Variants in IFT140 observed in about 807,000 individuals in gnomAD.
IFT140 encodes intraflagellar transport protein 140 homolog.
Under a neutral mutation model 164.6 loss-of-function variants are expected in IFT140, and 133 were observed. That is an observed-to-expected ratio of 0.81 (90% CI 0.70 to 0.93). The LOEUF is 0.93. Among genes scored for constraint, IFT140 ranks in the 40% least tolerant of loss-of-function variants. IFT140 has a pLI of 0.00. For missense variants in IFT140, 2,045 were observed against 1,972.3 expected (o/e 1.04, Z -0.70); for synonymous variants, 860 against 817.3 (o/e 1.05, Z -0.89).
rs760652531 is a variant in IFT140 at position 1,523,670 on chromosome 16, C to T, written c.3301G>A (p.Ala1101Thr). Residue 1101 changes from alanine (A) to threonine (T), a missense_variant, in exon 26 of 31, where the codon GCC (alanine) becomes ACC (threonine). Physicochemically the swap from Ala to Thr is moderately conservative, Grantham distance 58. Coordinates refer to ENST00000426508, the MANE Select transcript of IFT140 (RefSeq NM_014714.4). ...GCCACAAACTGCTGGGTGGCAAAGG[C>T]CAGCTCCAGGGCCTTGGAGAAGTGG... Reference protein sequence around the residue: ...AGHFSKALELAFATQQFVALQ... With the variant: ...AGHFSKALELTFATQQFVALQ... 6 of 1,613,730 alleles carry T rather than the reference C, an allele frequency of 3.7e-6. No homozygotes were observed. The highest frequency in any genetic ancestry group is 5.1e-6 in the Non-Finnish European group (6 of 1,180,002).
chr16:1,606,984 G>T, intron 3 of IFT140, 136 bp downstream of exon 3: 1 of 830,946 alleles, frequency 1.2e-6, no homozygotes, highest in Non-Finnish European at 2.0e-6. Context: ...ACACATACAC[G>T]CACACACAGA....
At chr16:1,563,169 G>A (rs1338170738) in intron 17 of IFT140, among the ~76,000 whole-genome samples, 3 of 152,028 alleles carry the variant, frequency 2.0e-5, no homozygotes, top group Admixed American at 6.5e-5. Flanking sequence ...GTGGCGCCTC[G>A]GGCAGTGTCT....
chr16:1,601,682 G>T (rs1567427231), intron 4 of IFT140, among the ~76,000 whole-genome samples: 1 of 152,198 alleles, frequency 6.6e-6, no homozygotes, highest in African/African-American at 2.4e-5. Context: ...GTGAGAGAAA[G>T]AATGCACTTG....
At position 1,568,224 on chromosome 16, in the gene IFT140, G is replaced by A; in HGVS notation, c.1763C>T (p.Pro588Leu). ...SSSGSTISIL[P>L]SKADNSPDSK... ...GACGAGGGGTGGCCTCACCTTGCTGGGGAGGATGCTGATGGTGCTCCCGCT... is the reference window on the plus strand; with the variant it reads ...GACGAGGGGTGGCCTCACCTTGCTGAGGAGGATGCTGATGGTGCTCCCGCT... The change falls in exon 15 of 31, where the codon CCC (proline) becomes CTC (leucine). Residue 588 changes from proline (P) to leucine (L), a missense_variant. Pro to Leu is a moderately conservative substitution (Grantham distance 98). Coordinates refer to ENST00000426508, the MANE Select transcript of IFT140 (RefSeq NM_014714.4). 1 of 1,600,084 alleles carries A rather than the reference G, an allele frequency of 6.2e-7. No individual in the cohort carries two copies. Among genetic ancestry groups the A allele is most frequent in the Non-Finnish European group, 8.5e-7 (1 of 1,173,920 alleles).
At chr16:1,607,528 C>T (rs1180081311) in intron 2 of IFT140, among the ~76,000 whole-genome samples, 4 of 152,084 alleles carry the variant, frequency 2.6e-5, no homozygotes, top group East Asian at 1.9e-4. Flanking sequence ...GTGACAGAAA[C>T]GAATACAACT....
intron 13 of IFT140, among the ~76,000 whole-genome samples, chr16:1,576,518 GGAGGCGGAGCTTGCAGT>G (rs752566108): frequency 7.3e-5 from 11 of 151,458 alleles, no homozygotes; most frequent in Non-Finnish European, 1.2e-4. Flanking sequence ...CGTGAACCCA[GGAGGCGGAGCTTGCAGT>G]GAGCCGAGAT....
chr16:1,581,502 A>C (rs2034555381), intron 12 of IFT140, among the ~76,000 whole-genome samples: 1 of 151,584 alleles, frequency 6.6e-6, no homozygotes, highest in South Asian at 2.1e-4. Flanking sequence ...TGGGAGGCTG[A>C]GGCATGAGAA....
intron 4 of IFT140, among the ~76,000 whole-genome samples, chr16:1,600,899 A>C (rs1222209499): frequency 2.0e-5 from 3 of 152,130 alleles, no homozygotes; most frequent in Non-Finnish European, 4.4e-5. Context: ...AGACCAAAAA[A>C]AAAAAAGGGA....
chr16:1,541,600 G>A (rs183293680), intron 19 of IFT140: 1 of 622,232 alleles, frequency 1.6e-6, no homozygotes, highest in East Asian at 1.4e-4. Flanking sequence ...CGCCTTCAAG[G>A]GTCAAGTCAG....
rs539927870 is a variant in IFT140, at chr16:1,564,319, G to A, written c.1902-157C>T. Among the ~76,000 whole-genome samples, 13 of 152,278 alleles carry A rather than the reference G, an allele frequency of 8.5e-5. No homozygotes were observed. Among genetic ancestry groups the A allele is most frequent in the South Asian group, 6.2e-4 (3 of 4,826 alleles). On this transcript the variant is annotated intron_variant, in intron 16 of 30. Transcript: ENST00000426508. The surrounding 1 kb of genome is among the most constrained non-coding windows in gnomAD (Gnocchi z 5.5). ...AACTTTTGGGGTCTCACTGCCATGCGCCCTACTGGAACATGTTCTCAGATT... is the reference window on the plus strand; with the variant it reads ...AACTTTTGGGGTCTCACTGCCATGCACCCTACTGGAACATGTTCTCAGATT...
At chr16:1,543,672 G>A (rs1027776125) in intron 19 of IFT140, among the ~76,000 whole-genome samples, 1 of 152,202 alleles carries the variant, frequency 6.6e-6, no homozygotes, top group African/African-American at 2.4e-5. Context: ...CAGGGATGTG[G>A]GACCTAGGAC....
intron 18 of IFT140, among the ~76,000 whole-genome samples, chr16:1,560,724 G>T (rs777616353): frequency 2.0e-5 from 3 of 152,200 alleles, no homozygotes; most frequent in Non-Finnish European, 4.4e-5. Flanking sequence ...CCCACCTTGG[G>T]TTATAAAAGT....
At chr16:1,597,681 A>G (rs1410668129) in intron 4 of IFT140, among the ~76,000 whole-genome samples, 1 of 152,258 alleles carries the variant, frequency 6.6e-6, no homozygotes, top group African/African-American at 2.4e-5. Context: ...AGATTTTCTT[A>G]GAAGGATTAG....
chr16:1,562,340 G>A (rs1354241316), intron 17 of IFT140, among the ~76,000 whole-genome samples: 1 of 152,066 alleles, frequency 6.6e-6, no homozygotes, highest in Admixed American at 6.5e-5. Context: ...TCCAGCTTGC[G>A]ACCACTGGAC....
intron 19 of IFT140, among the ~76,000 whole-genome samples, chr16:1,543,073 G>GC (rs2031803414): frequency 6.6e-6 from 1 of 152,238 alleles, no homozygotes; most frequent in Admixed American, 6.5e-5. Flanking sequence ...TCTGGGGCAG[G>GC]CTCAGGTCTC....
intron 30 of IFT140, among the ~76,000 whole-genome samples, chr16:1,515,234 G>A (rs552624548): frequency 2.0e-5 from 3 of 152,154 alleles, no homozygotes; most frequent in East Asian, 1.9e-4. Context: ...CATCATTATC[G>A]CACTGCTGAA....
At chr16:1,569,009 T>G (rs1243804903) in intron 14 of IFT140, among the ~76,000 whole-genome samples, 2 of 150,034 alleles carry the variant, frequency 1.3e-5, no homozygotes, top group African/African-American at 4.9e-5. Context: ...GCTTGTTTTT[T>G]TTTTTTTTTT....
chr16:1,557,832 G>A (rs1567367860), intron 19 of IFT140, 103 bp downstream of exon 19: 1 of 1,098,538 alleles, frequency 9.1e-7, no homozygotes, highest in Non-Finnish European at 1.4e-6. Context: ...CAGTCATGAG[G>A]AGTCAAATAT....
chr16:1,587,999 C>A lies in IFT140; in HGVS notation c.836G>T (p.Arg279Leu). 4 of 1,613,630 alleles carry A rather than the reference C, an allele frequency of 2.5e-6. No homozygotes were observed. Among genetic ancestry groups the A allele is most frequent in the Non-Finnish European group, 3.4e-6 (4 of 1,179,832 alleles). Residue 279 changes from arginine to leucine, a missense_variant, in exon 8 of 31, where the codon CGC becomes CTC. By Grantham distance (102) the Arg-to-Leu change is moderately radical. Transcript: ENST00000426508. ...MKVKLSGKTG[R>L]RADIALIEGS... ...TTCAATCAAAGCGATGTCTGCCCGGCGGCCGGTTTTCCCGCTCAGCTTGAC... is the reference window on the plus strand; with the variant it reads ...TTCAATCAAAGCGATGTCTGCCCGGAGGCCGGTTTTCCCGCTCAGCTTGAC...
Sources: gnomAD v4.1 joint callset for allele counts (sites outside exome capture counted in the v4.1 genomes callset) on GRCh38, gnomAD v4.1.1 for gene constraint, Gnocchi (gnomAD v3.1) non-coding constraint, MANE v1.5 for transcripts, NCBI Gene and HGNC (gene_info 2026-07-23, HGNC 2026-07-21) for gene names.